The following PIEZO1 variants were observed in gnomAD, a reference collection of about 807,000 sequenced individuals.
The protein encoded by PIEZO1 is piezo-type mechanosensitive ion channel component 1.
Under a neutral mutation model 297.2 loss-of-function variants are expected in PIEZO1, and 296 were observed. The ratio of observed to expected loss-of-function variants is 1.00; its 90% CI spans 0.91 to 1.10. PIEZO1 has a LOEUF of 1.10. PIEZO1 is among the 50% of genes least tolerant of loss of function. PIEZO1 has a pLI of 0.00. For missense variants in PIEZO1, 5,018 were observed against 3,455.5 expected, an observed-to-expected ratio of 1.45 and a Z score of -11.34; for synonymous variants, 2,427 against 1,507.5, an observed-to-expected ratio of 1.61 and a Z score of -14.13.
rs780119372 is a variant in PIEZO1, at chr16:88,737,575, G to C, written c.1179C>G (p.Ser393=). Residue 393 remains serine, a synonymous_variant, in exon 10 of 51, where the codon TCC becomes TCG. Transcript: ENST00000301015. ...GGTACTCACCAGGCCGCCGCAGGAC[G>C]GAGCTCTGGCCGGTCAGCTCGTGCA... ...CIVHELTGQS[S]VLRRPVRPKR... is the part of the protein sequence containing the mutation. 3.6e-4 allele frequency: 558 copies of C among 1,533,892 alleles called. 6 individuals carry two copies. The Admixed American group carries it at 0.01, about 29-fold the overall frequency.
intron 5 of PIEZO1, chr16:88,741,180 T>C (rs188693712): frequency 1.0e-4 from 28 of 275,944 alleles, no homozygotes; most frequent in African/African-American, 5.6e-4. Context: ...CACTGCAGGT[T>C]TCCACCACCG....
intron 18 of PIEZO1, 49 bp downstream of exon 18, chr16:88,733,539 C>A: frequency 6.5e-7 from 1 of 1,528,332 alleles, no homozygotes; most frequent in Non-Finnish European, 8.8e-7. Flanking sequence ...CTGGGCAGGC[C>A]AGAGCGACCC....
rs775806041 is a variant in PIEZO1, at chr16:88,720,125, C to G, written c.6108G>C (p.Ala2036=). The G allele has an allele frequency of 4.5e-6, 7 of 1,550,414 alleles. No individual in the cohort carries two copies. In the East Asian group the frequency reaches 1.2e-4, roughly 27 times the overall value. ...TCCATAGGTGGATGGCCAGCACCAGCGCCACCTGGAAGGCCAGCTTGCCCA... is the reference window on the plus strand; with the variant it reads ...TCCATAGGTGGATGGCCAGCACCAGGGCCACCTGGAAGGCCAGCTTGCCCA... ...TVLGKLAFQV[A]LVLAIHLWMF... Residue 2036 remains alanine (A), a synonymous_variant, in exon 42 of 51, where the codon GCG becomes GCC. Transcript: ENST00000301015.
At chr16:88,761,948 CCT>C (rs902920530) in intron 1 of PIEZO1, among the ~76,000 whole-genome samples, 20 of 152,356 alleles carry the variant, frequency 1.3e-4, no homozygotes, top group African/African-American at 4.1e-4. Context: ...AGAGCAATCC[CCT>C]GACTCTCTGC....
At position 88,716,235 on chromosome 16, in the gene PIEZO1, G is replaced by T. The variant is rs953643803; in HGVS notation, c.7092C>A (p.Asn2364Lys). 1 of 1,496,994 alleles carries T rather than the reference G, an allele frequency of 6.7e-7. No homozygotes were observed. Among genetic ancestry groups the T allele is most frequent in the Non-Finnish European group, 8.9e-7 (1 of 1,117,552 alleles). 92.7% of individuals were successfully genotyped at this position (1,496,994 alleles called of 1,614,324 possible). A position where few individuals can be genotyped will look rare whatever the true frequency, so the allele number is the denominator to read the frequency against. The change falls in exon 49 of 51, where the codon AAC becomes AAA. Residue 2364 changes from asparagine to lysine, a missense_variant. By Grantham distance (94) the Asn-to-Lys change is moderately conservative (BLOSUM62 0). Transcript: ENST00000301015. ...GCTTCACAGGGTTGGCTTCGGGCCC[G>T]TTGGGGGCACGGATGTACTTGGGGA... ...NLFPKYIRAPNGPEANPVKQL... is the reference protein window; with the variant it reads ...NLFPKYIRAPKGPEANPVKQL...
Position 88,722,857 on chromosome 16 carries a change from G to T in PIEZO1, c.4648C>A (p.Leu1550Ile). ...CTCACCTGCAGGAGCTCCTGTGTGA[G>T]GAGGTAGCGCTCTGCCCGCAGCACG... is the stretch of plus-strand genomic sequence containing the variant. ...SDVLRAERYL[L>I]TQELLQGGEV... The change falls in exon 34 of 51, where the codon CTC becomes ATC. Residue 1550 changes from leucine (L) to isoleucine (I), a missense_variant. Physicochemically the swap from Leu to Ile is conservative, Grantham distance 5. Transcript: ENST00000301015. 6.5e-7 allele frequency: 1 copy of T among 1,547,384 alleles called. No homozygotes were observed. Among genetic ancestry groups the T allele is most frequent in the Non-Finnish European group, 8.7e-7 (1 of 1,146,764 alleles).
intron 30 of PIEZO1, 42 bp from the exon 31 acceptor site, chr16:88,724,013 A>G: frequency 1.6e-6 from 2 of 1,240,376 alleles, no homozygotes; most frequent in Non-Finnish European, 2.3e-6. Context: ...CCATGCAGGG[A>G]GACTCCCAGC....
intron 21 of PIEZO1, 24 bp downstream of exon 21, chr16:88,732,311 G>T (rs771396486): frequency 5.8e-5 from 89 of 1,534,116 alleles, no homozygotes; most frequent in Non-Finnish European, 7.8e-5. Flanking sequence ...CCTGCCCCAG[G>T]GGGAGGCAAT....
chr16:88,736,405 A>G lies in PIEZO1; in HGVS notation c.1300T>C (p.Trp434Arg), dbSNP rs1905218691. ...AGCCAGCTGTGGTAGGTGATGCTCC[A>G]TACCTGCGCGGCAGAGAGGGCTGCA... ...YVCALIAMMV[W>R]SITYHSWLTF... Residue 434 changes from tryptophan to arginine, a missense_variant, in exon 12 of 51, where the codon TGG becomes CGG. By Grantham distance (101) the Trp-to-Arg change is moderately radical. Transcript: ENST00000301015. The G allele has an allele frequency of 6.5e-7, 1 of 1,546,820 alleles. No individual in the cohort carries two copies.
At chr16:88,736,940 G>A (rs1296612715) in intron 10 of PIEZO1, 7 of 473,800 alleles carry the variant, frequency 1.5e-5, no homozygotes, top group South Asian at 5.8e-5. Context: ...AGCACCTGCC[G>A]TTCTCTGGGC....
intron 2 of PIEZO1, chr16:88,743,560 G>A (rs761953811): frequency 4.6e-5 from 21 of 456,644 alleles, no homozygotes; most frequent in East Asian, 1.4e-4. Flanking sequence ...GCCTCGGGGC[G>A]CAAACTCAGG....
In PIEZO1 at chr16:88,722,208, C is replaced by A. The variant is rs1171539417; in HGVS notation, c.4955+10G>T. 1 of 1,543,830 alleles carries A rather than the reference C, an allele frequency of 6.5e-7. No homozygotes were observed. The highest frequency in any genetic ancestry group is 1.2e-5 in the South Asian group (1 of 83,726). On this transcript the variant is annotated intron_variant, in intron 36 of 50. Transcript: ENST00000301015. The stretch of plus-strand genomic sequence containing the variant: ...TGGTGAGGCTGGTGTTGTGCGCGTC[C>A]CGCCCCCACCTGTCCAGGAGCAGCT...
At chr16:88,780,839 C>T (rs1488065034) in intron 1 of PIEZO1, among the ~76,000 whole-genome samples, 1 of 152,320 alleles carries the variant, frequency 6.6e-6, no homozygotes, top group Non-Finnish European at 1.5e-5. Flanking sequence ...CACCTGTAAT[C>T]TCAGCTACTC....
At chr16:88,749,060 A>AC (rs1338683208) in intron 2 of PIEZO1, among the ~76,000 whole-genome samples, 1 of 150,712 alleles carries the variant, frequency 6.6e-6, no homozygotes, top group South Asian at 2.1e-4. Context: ...TCACGGTGAA[A>AC]CCCCGTCTCT....
At chr16:88,749,252 A>C in intron 2 of PIEZO1, 132 bp downstream of exon 2, 1 of 588,642 alleles carries the variant, frequency 1.7e-6, no homozygotes, top group South Asian at 2.6e-5. Context: ...AAAAAAAAAA[A>C]AATTTTATTT....
intron 1 of PIEZO1, among the ~76,000 whole-genome samples, chr16:88,758,097 A>C (rs772383387): frequency 7.9e-4 from 120 of 152,214 alleles, no homozygotes; most frequent in South Asian, 2.3e-3. Context: ...AGGAATCCCC[A>C]GGAGCCTCCT....
chr16:88,725,372 T>G, intron 29 of PIEZO1, 44 bp downstream of exon 29: 1 of 1,182,480 alleles, frequency 8.5e-7, no homozygotes, highest in Non-Finnish European at 1.2e-6. Context: ...GGCACAGACA[T>G]GCTGGACACG....
rs189825914 is a variant in PIEZO1 at position 88,722,085 on chromosome 16, G to T, written c.4956-19C>A. Reference sequence around the variant, plus strand: ...CAGGCGCCTACAGGGAGACCCGCGTGTTTGGGGGAGTCTGGGACTGCCCGA... The same window carrying T: ...CAGGCGCCTACAGGGAGACCCGCGTTTTTGGGGGAGTCTGGGACTGCCCGA... On this transcript the variant is annotated intron_variant, in intron 36 of 50. Transcript: ENST00000301015. 2.3e-5 allele frequency: 36 copies of T among 1,539,868 alleles called. No individual in the cohort carries two copies. Among genetic ancestry groups the T allele is most frequent in the Middle Eastern group, 2.3e-4 (1 of 4,394 alleles).
chr16:88,726,788 C>T lies in PIEZO1; in HGVS notation c.3626G>A (p.Arg1209Gln), dbSNP rs547120028. 158 of 1,550,232 alleles carry T rather than the reference C, an allele frequency of 1.0e-4. No individual in the cohort carries two copies. The highest frequency in any genetic ancestry group is 3.3e-4 in the Middle Eastern group (2 of 5,992). Residue 1209 changes from arginine (R) to glutamine (Q), a missense_variant, in exon 25 of 51, where the codon CGG becomes CAG. Transcript: ENST00000301015. The part of the protein sequence containing the change: ...FGTALLQRDT[R>Q]ARLVLWDCLI... ...GCAGTCCCACAGCACGAGGCGGGCC[C>T]GTGTGTCCCTCTGCAGCAGGGCCGT...
Sources: allele counts gnomAD v4.1 joint callset (sites outside exome capture counted in the v4.1 genomes callset), GRCh38; gene constraint gnomAD v4.1.1; transcripts MANE v1.5; gene names NCBI Gene and HGNC (gene_info 2026-07-23, HGNC 2026-07-21).